FHIT: variants seen among roughly 807,000 people sequenced by gnomAD.
The protein encoded by FHIT is fragile histidine triad diadenosine triphosphatase.
In FHIT, 19 loss-of-function variants were observed where a neutral mutation model predicts 17.9. The ratio of observed to expected loss-of-function variants is 1.06; its 90% CI spans 0.74 to 1.56. The LOEUF is 1.56. Ranked by LOEUF, FHIT falls within the 40% of genes most tolerant of loss-of-function variation. FHIT has a pLI of 0.00. For synonymous variants in FHIT, 81 were observed against 69.7 expected, an observed-to-expected ratio of 1.16 and a Z score of -0.81; for missense variants, 248 against 189.2, an observed-to-expected ratio of 1.31 and a Z score of -1.82.
rs368388920 is a variant in FHIT, at chr3:60,589,697, A to G, written c.-17-52718T>C. On this transcript the variant is annotated intron_variant, in intron 4 of 9. Transcript: ENST00000492590. ...TATTGCCAAATTTTCCCTCCCAGGAAGTTGTAGCAATTTAAACTTCTATTA... is the reference window on the plus strand; with the variant it reads ...TATTGCCAAATTTTCCCTCCCAGGAGGTTGTAGCAATTTAAACTTCTATTA... Among the ~76,000 whole-genome samples, 300 of 152,188 alleles carry G rather than the reference A, an allele frequency of 2.0e-3. 3 individuals are homozygous for G. The highest frequency in any genetic ancestry group is 6.8e-3 in the African/African-American group (283 of 41,560).
chr3:60,920,368 T>C (rs1553768059), intron 3 of FHIT, among the ~76,000 whole-genome samples: 1 of 152,126 alleles, frequency 6.6e-6, no homozygotes, highest in East Asian at 1.9e-4. Flanking sequence ...ATATGAGTTG[T>C]CCAAAACATC....
intron 5 of FHIT, among the ~76,000 whole-genome samples, chr3:60,365,747 C>G (rs930902452): frequency 4.6e-5 from 7 of 152,144 alleles, no homozygotes; most frequent in Non-Finnish European, 1.0e-4. Context: ...CATGGTTTCT[C>G]AGAAAGTCAA....
At chr3:60,268,087 A>T (rs1382162339) in intron 5 of FHIT, among the ~76,000 whole-genome samples, 1 of 152,158 alleles carries the variant, frequency 6.6e-6, no homozygotes, top group Non-Finnish European at 1.5e-5. Flanking sequence ...CATTCATAGA[A>T]CCTCAAACTT....
At chr3:60,714,848 G>A (rs1258132135) in intron 4 of FHIT, among the ~76,000 whole-genome samples, 1 of 152,184 alleles carries the variant, frequency 6.6e-6, no homozygotes, top group Non-Finnish European at 1.5e-5. Flanking sequence ...GCATGAAAAT[G>A]GCCATACTGC....
At chr3:60,248,482 GA>G (rs780995004) in intron 5 of FHIT, among the ~76,000 whole-genome samples, 3 of 152,122 alleles carry the variant, frequency 2.0e-5, no homozygotes, top group Admixed American at 6.6e-5. Context: ...TATTCAGAAA[GA>G]GAACAAAGGA....
chr3:60,090,085 G>A (rs546806937), intron 5 of FHIT, among the ~76,000 whole-genome samples: 2 of 152,196 alleles, frequency 1.3e-5, no homozygotes, highest in South Asian at 2.1e-4. Flanking sequence ...TTGATCTGGA[G>A]CCAAGACTGC....
At chr3:60,981,282 C>G (rs745653564) in intron 3 of FHIT, among the ~76,000 whole-genome samples, 74 of 150,606 alleles carry the variant, frequency 4.9e-4, no homozygotes, top group Non-Finnish European at 9.0e-4. Flanking sequence ...CTCCTTCTCC[C>G]CTTTCTTCCT....
intron 4 of FHIT, among the ~76,000 whole-genome samples, chr3:60,738,374 C>T (rs545956780): frequency 2.0e-5 from 3 of 152,282 alleles, no homozygotes; most frequent in Non-Finnish European, 4.4e-5. Flanking sequence ...CCAAAATGGT[C>T]CCTGCCTCAG....
intron 5 of FHIT, among the ~76,000 whole-genome samples, chr3:60,072,869 T>A (rs1198378685): frequency 6.6e-6 from 1 of 152,222 alleles, no homozygotes; most frequent in Non-Finnish European, 1.5e-5. Context: ...AGCTACAGCA[T>A]TCACTGTTTG....
At chr3:60,218,868 C>G (rs184593912) in intron 5 of FHIT, among the ~76,000 whole-genome samples, 38 of 152,042 alleles carry the variant, frequency 2.5e-4, no homozygotes, top group African/African-American at 8.9e-4. Context: ...TACATACATA[C>G]ATACATACAT....
At chr3:60,072,159 C>G (rs1702802928) in intron 5 of FHIT, among the ~76,000 whole-genome samples, 1 of 152,168 alleles carries the variant, frequency 6.6e-6, no homozygotes, top group Admixed American at 6.5e-5. Context: ...AAGCCTTAGC[C>G]TGATGACAAC....
chr3:60,039,791 T>C (rs925023557), intron 5 of FHIT, among the ~76,000 whole-genome samples: 1 of 152,192 alleles, frequency 6.6e-6, no homozygotes, highest in Non-Finnish European at 1.5e-5. Context: ...GAACCAAATG[T>C]ATTGAGTTGA....
chr3:60,259,519 C>T (rs1294694215), intron 5 of FHIT, among the ~76,000 whole-genome samples: 8 of 152,094 alleles, frequency 5.3e-5, no homozygotes, highest in Non-Finnish European at 1.2e-4. Flanking sequence ...ATGGCAACTG[C>T]AAATAATAAT....
intron 5 of FHIT, among the ~76,000 whole-genome samples, chr3:60,455,535 G>T (rs529815653): frequency 6.6e-6 from 1 of 152,290 alleles, no homozygotes; most frequent in East Asian, 1.9e-4. Context: ...TGAGCACAGA[G>T]ATAGGCACAT....
rs12495046 is a variant in FHIT at position 60,183,828 on chromosome 3, T to A, written c.104-169676A>T. On this transcript the variant is annotated intron_variant, in intron 5 of 9. Coordinates refer to ENST00000492590, the MANE Select transcript of FHIT (RefSeq NM_002012.4). ...CAGTCAACAGCGTTAACGTTTTTACTTTTTAATTTTAGACTAGTTTTAAAT... is the reference window on the plus strand; with the variant it reads ...CAGTCAACAGCGTTAACGTTTTTACATTTTAATTTTAGACTAGTTTTAAAT... Among the ~76,000 whole-genome samples the A allele has an allele frequency of 4.7e-3, 713 of 152,280 alleles. 19 individuals are homozygous for A. The highest frequency in any genetic ancestry group is 0.039 in the Admixed American group (589 of 15,288).
intron 5 of FHIT, among the ~76,000 whole-genome samples, chr3:60,233,776 T>C (rs213417): frequency 0.8 from 121,011 of 151,938 alleles, 49,016 homozygotes; most frequent in African/African-American, 0.92. Flanking sequence ...ATGCTGTTCT[T>C]GTGATAGTGA....
At chr3:60,104,455 A>G (rs1704322406) in intron 5 of FHIT, among the ~76,000 whole-genome samples, 1 of 150,232 alleles carries the variant, frequency 6.7e-6, no homozygotes, top group South Asian at 2.1e-4. Flanking sequence ...ACACAATGTA[A>G]AAGTCTTGAA....
At chr3:61,147,977 G>C (rs1316555041) in intron 2 of FHIT, among the ~76,000 whole-genome samples, 3 of 150,386 alleles carry the variant, frequency 2.0e-5, no homozygotes, top group Non-Finnish European at 3.0e-5. Flanking sequence ...TTTAACTTCA[G>C]AAAGAATTAT....
intron 3 of FHIT, among the ~76,000 whole-genome samples, chr3:60,997,186 G>A (rs978548401): frequency 6.6e-6 from 1 of 152,136 alleles, no homozygotes; most frequent in Non-Finnish European, 1.5e-5. Flanking sequence ...AGACTTTGGG[G>A]ATGAAACAAT....
Sources: gnomAD v4.1 joint callset for allele counts (sites outside exome capture counted in the v4.1 genomes callset) on GRCh38, gnomAD v4.1.1 for gene constraint, MANE v1.5 for transcripts, NCBI Gene and HGNC (gene_info 2026-07-23, HGNC 2026-07-21) for gene names.